PRKCZ: variants seen among roughly 807,000 people sequenced by gnomAD.
The protein encoded by PRKCZ is protein kinase C zeta type.
In PRKCZ, 33 loss-of-function variants were observed where a neutral mutation model predicts 79.5. The ratio of observed to expected loss-of-function variants is 0.41; its 90% CI spans 0.31 to 0.55. The LOEUF (loss-of-function observed/expected upper bound fraction) is 0.55, where lower values mean the gene tolerates loss of function less well. Ranked by LOEUF, PRKCZ falls within the 20% of genes least tolerant of loss-of-function variation. PRKCZ has a pLI of 0.19. For missense variants in PRKCZ, 578 were observed against 813.5 expected, an observed-to-expected ratio of 0.71 and a Z score of 3.52; for synonymous variants, 342 against 320.9, an observed-to-expected ratio of 1.07 and a Z score of -0.70.
At chr1:2,056,604 T>TG (rs758001957) in intron 3 of PRKCZ, 31 bp downstream of exon 3, 3 of 1,588,738 alleles carry the variant, frequency 1.9e-6, no homozygotes, top group East Asian at 2.3e-5. Flanking sequence ...TGGGCAGCTC[T>TG]GGGGGGCTGT....
intron 2 of PRKCZ, among the ~76,000 whole-genome samples, chr1:2,056,105 C>T (rs767786864): frequency 2.6e-5 from 4 of 152,212 alleles, no homozygotes; most frequent in East Asian, 1.9e-4. Context: ...GGGTTGGGTA[C>T]AGCCCTGCAG....
In PRKCZ at chr1:2,174,927, G is replaced by C; in HGVS notation, c.1485+94G>C. 1 of 1,305,460 alleles carries C rather than the reference G, an allele frequency of 7.7e-7. No individual in the cohort carries two copies. Among genetic ancestry groups the C allele is most frequent in the Non-Finnish European group, 1.1e-6 (1 of 909,574 alleles). 80.9% of individuals were successfully genotyped at this position (1,305,460 alleles called of 1,614,324 possible). On this transcript the variant is annotated intron_variant, in intron 15 of 17. Coordinates refer to ENST00000378567, the MANE Select transcript of PRKCZ (RefSeq NM_002744.6). This position sits in a 1 kb window ranked among gnomAD's most constrained non-coding sequence, Gnocchi z 6.2. Reference sequence around the variant, plus strand: ...CGGCTGTTGGCCATTTTTTCATGTCGGCTGCTGTGTATCGGGTGTGTGGGT... The same window carrying C: ...CGGCTGTTGGCCATTTTTTCATGTCCGCTGCTGTGTATCGGGTGTGTGGGT...
intron 2 of PRKCZ, 39 bp downstream of exon 2, chr1:2,055,601 A>G (rs1203987357): frequency 6.3e-6 from 10 of 1,592,810 alleles, no homozygotes; most frequent in Admixed American, 3.5e-5. Flanking sequence ...CCTCAGCCTC[A>G]GGGGACTTCG....
At chr1:2,066,638 G>A (rs1274191351) in intron 4 of PRKCZ, among the ~76,000 whole-genome samples, 3 of 152,142 alleles carry the variant, frequency 2.0e-5, no homozygotes, top group African/African-American at 7.2e-5. Flanking sequence ...TGCTGCGCCC[G>A]GCCCTGCTCT....
intron 11 of PRKCZ, 63 bp from the exon 12 acceptor site, chr1:2,171,992 C>G: frequency 6.5e-7 from 1 of 1,531,990 alleles, no homozygotes; most frequent in South Asian, 1.3e-5. Flanking sequence ...GGCCCCCAGG[C>G]TGGAGCTGTT....
chr1:2,139,331 T>A (rs1676851250), intron 5 of PRKCZ, among the ~76,000 whole-genome samples: 1 of 152,230 alleles, frequency 6.6e-6, no homozygotes, highest in South Asian at 2.1e-4. Flanking sequence ...GGCTCACGCC[T>A]GTAATTCCAG....
intron 9 of PRKCZ, among the ~76,000 whole-genome samples, chr1:2,155,401 C>A (rs939360017): frequency 1.3e-5 from 2 of 148,676 alleles, no homozygotes; most frequent in South Asian, 4.3e-4. Context: ...ATGGTGATGA[C>A]GGTGATGATG....
intron 4 of PRKCZ, among the ~76,000 whole-genome samples, chr1:2,111,047 A>G (rs1353214235): frequency 1.3e-5 from 2 of 152,128 alleles, no homozygotes; most frequent in Admixed American, 1.3e-4. Context: ...TTCACACAGC[A>G]TGGCGAGGTA....
intron 4 of PRKCZ, among the ~76,000 whole-genome samples, chr1:2,089,544 C>A (rs987128156): frequency 6.6e-6 from 1 of 152,154 alleles, no homozygotes; most frequent in Non-Finnish European, 1.5e-5. Context: ...ACAGCCAGAG[C>A]CTTCTCAGAG....
rs377017391 is a variant in PRKCZ at position 2,060,327 on chromosome 1, C to T, written c.334+736C>T. On this transcript the variant is annotated intron_variant, in intron 4 of 17. Coordinates refer to ENST00000378567, the MANE Select transcript of PRKCZ (RefSeq NM_002744.6). ...ACCCCTGCTGCCAGGGCACACACCT[C>T]GCTGGCCTCAGGCTGGATGCTGGGT... Among the ~76,000 whole-genome samples, 8 of 152,348 alleles carry T rather than the reference C, an allele frequency of 5.3e-5. No individual in the cohort carries two copies. The South Asian group carries it at 8.3e-4, about 16-fold the overall frequency.
At position 2,053,115 on chromosome 1, in the gene PRKCZ, CT is replaced by C. The variant is rs35888403; in HGVS notation, c.72-2312del. On this transcript the variant is annotated intron_variant, in intron 1 of 17. Coordinates refer to ENST00000378567, the MANE Select transcript of PRKCZ (RefSeq NM_002744.6). ...TGGCTCTTCCCTCTTTCAGCTCAGA[CT>C]TTTTTTTTTTTTTGAGTCTCGCTGT... is the stretch of plus-strand genomic sequence containing the variant. Among the ~76,000 whole-genome samples, 825 of 144,384 alleles carry C rather than the reference CT, an allele frequency of 5.7e-3. 19 individuals are homozygous for C. The East Asian group carries it at 0.089, about 16-fold the overall frequency. 94.7% of individuals were successfully genotyped at this position (144,384 alleles called of 152,430 possible).
intron 4 of PRKCZ, among the ~76,000 whole-genome samples, chr1:2,097,141 T>G (rs114209819): frequency 0.012 from 1,776 of 152,334 alleles, 31 homozygotes; most frequent in African/African-American, 0.041. Flanking sequence ...GGGCCACAGC[T>G]GGCCCTTGGC....
At chr1:2,071,416 G>A (rs1194172269) in intron 4 of PRKCZ, 2 of 385,074 alleles carry the variant, frequency 5.2e-6, no homozygotes, top group African/African-American at 2.1e-5. Flanking sequence ...CAGTGGGGAC[G>A]CTGCTGGTGT....
chr1:2,184,860 C>T lies in PRKCZ; in HGVS notation c.1692-62C>T, dbSNP rs112794083. On this transcript the variant is annotated intron_variant, in intron 17 of 17. Transcript: ENST00000378567. ...GAGGATTCTTATGCGAACGTGACTC[C>T]GCTTCCCCCAAGGGAATGAACACAC... 956 of 1,483,496 alleles carry T rather than the reference C, an allele frequency of 6.4e-4. 6 individuals carry two copies. In the African/African-American group the frequency reaches 0.012, roughly 18 times the overall value. 91.9% of individuals were successfully genotyped at this position (1,483,496 alleles called of 1,614,324 possible).
rs956408397 is a variant in PRKCZ at position 2,150,749 on chromosome 1, A to C, written c.688-41A>C. Reference sequence around the variant, plus strand: ...GCGTGGTCCTCTGAGTCTCCCGGGAACCCCCCTCTCACTTTCTGGGGTCTT... The same window carrying C: ...GCGTGGTCCTCTGAGTCTCCCGGGACCCCCCCTCTCACTTTCTGGGGTCTT... On this transcript the variant is annotated intron_variant, in intron 8 of 17. Coordinates refer to ENST00000378567, the MANE Select transcript of PRKCZ (RefSeq NM_002744.6). 9 of 1,579,030 alleles carry C rather than the reference A, an allele frequency of 5.7e-6. No individual in the cohort carries two copies. In the Admixed American group the frequency reaches 8.7e-5, roughly 15 times the overall value.
chr1:2,156,108 G>A lies in PRKCZ; in HGVS notation c.974+16G>A. ...CGACAAGTCGGTAAGAAAAAGAAGG[G>A]TATTTCTGATATTCTGCAGATTTCA... On this transcript the variant is annotated intron_variant, in intron 10 of 17. Coordinates refer to ENST00000378567, the MANE Select transcript of PRKCZ (RefSeq NM_002744.6). The A allele has an allele frequency of 6.3e-7, 1 of 1,594,132 alleles. No individual in the cohort carries two copies. Among genetic ancestry groups the A allele is most frequent in the South Asian group, 1.1e-5 (1 of 90,666 alleles).
At chr1:2,144,945 G>T in intron 6 of PRKCZ, 1 of 153,132 alleles carries the variant, frequency 6.5e-6, no homozygotes, top group Non-Finnish European at 1.5e-5. Flanking sequence ...TCAACTCCCT[G>T]GGCCCTGCTG....
At chr1:2,053,286 A>G (rs952197309) in intron 1 of PRKCZ, among the ~76,000 whole-genome samples, 3 of 152,070 alleles carry the variant, frequency 2.0e-5, no homozygotes, top group Non-Finnish European at 4.4e-5. Flanking sequence ...GTTTTAGTAG[A>G]GATGAGGTTT....
chr1:2,054,770 C>G lies in PRKCZ; in HGVS notation c.72-671C>G, dbSNP rs57406510. ...GCCGGCGGCCTGCACCGACCCGGCT[C>G]GCGCCCATCCCGGGGTCACCCACAT... On this transcript the variant is annotated intron_variant, in intron 1 of 17. Coordinates refer to ENST00000378567, the MANE Select transcript of PRKCZ (RefSeq NM_002744.6). Among the ~76,000 whole-genome samples, 1,338 of 152,142 alleles carry G rather than the reference C, an allele frequency of 8.8e-3. 58 individuals carry two copies. In the East Asian group the frequency reaches 0.13, roughly 15 times the overall value.
Sources: gnomAD v4.1 joint callset for allele counts (sites outside exome capture counted in the v4.1 genomes callset) on GRCh38, gnomAD v4.1.1 for gene constraint, Gnocchi (gnomAD v3.1) non-coding constraint, MANE v1.5 for transcripts, NCBI Gene and HGNC (gene_info 2026-07-23, HGNC 2026-07-21) for gene names.